HMGXB4: variants seen among roughly 807,000 people sequenced by gnomAD.
The protein encoded by HMGXB4 is HMG-box containing 4, also known as HMG domain-containing protein 4.
HMGXB4 carries 27 observed loss-of-function variants against 63.9 expected under a neutral mutation model. The observed-to-expected ratio is 0.42, with a 90% CI of 0.31 to 0.58. The LOEUF is 0.58. HMGXB4 is among the 20% of genes least tolerant of loss of function. The pLI is 0.13. For missense variants in HMGXB4, 624 were observed against 700.7 expected, an observed-to-expected ratio of 0.89 and a Z score of 1.24; for synonymous variants, 264 against 265.3, an observed-to-expected ratio of 0.99 and a Z score of 0.05.
chr22:35,264,565 A>G, intron 4 of HMGXB4, 83 bp from the exon 5 acceptor site: 1 of 901,048 alleles, frequency 1.1e-6, no homozygotes, highest in Non-Finnish European at 1.7e-6. Context: ...TTCTCATGTT[A>G]GCTAGGTGCT....
intron 5 of HMGXB4, among the ~76,000 whole-genome samples, chr22:35,282,330 C>A (rs1299244188): frequency 3.3e-5 from 5 of 152,162 alleles, no homozygotes; most frequent in African/African-American, 9.7e-5. Context: ...GCGCCCACCA[C>A]CATGCCCGGC....
chr22:35,290,230 C>T (rs1364013057), intron 9 of HMGXB4, among the ~76,000 whole-genome samples: 2 of 152,044 alleles, frequency 1.3e-5, no homozygotes, highest in Non-Finnish European at 2.9e-5. Flanking sequence ...CAGATATTTC[C>T]ATTTAGTTTA....
intron 9 of HMGXB4, among the ~76,000 whole-genome samples, chr22:35,291,717 C>G (rs563999685): frequency 1.0e-3 from 156 of 152,298 alleles, no homozygotes; most frequent in African/African-American, 3.5e-3. Flanking sequence ...TCATTTAATT[C>G]ACACTGCAGC....
chr22:35,290,257 C>T (rs1187275056), intron 9 of HMGXB4, among the ~76,000 whole-genome samples: 1 of 152,168 alleles, frequency 6.6e-6, no homozygotes, highest in Non-Finnish European at 1.5e-5. Context: ...ACAAAGTTCA[C>T]CCTTTTAAAG....
chr22:35,253,144 A>AAAAAGAAAG (rs1555886256), upstream of HMGXB4, among the ~76,000 whole-genome samples: 1 of 125,316 alleles, frequency 8.0e-6, no homozygotes. Context: ...AAAAAAAAAA[A>AAAAAGAAAG]AAAAAAGAAA....
At chr22:35,282,260 T>A (rs1457684042) in intron 5 of HMGXB4, among the ~76,000 whole-genome samples, 1 of 152,206 alleles carries the variant, frequency 6.6e-6, no homozygotes, top group South Asian at 2.1e-4. Flanking sequence ...TACTGCAAGC[T>A]CCACCTCCCG....
intron 7 of HMGXB4, chr22:35,287,105 A>C (rs1924633878): frequency 2.3e-6 from 1 of 431,050 alleles, no homozygotes; most frequent in South Asian, 2.8e-5. Flanking sequence ...GTGATCTAAA[A>C]ATCAGTGCCG....
chr22:35,264,511 A>T, intron 4 of HMGXB4, 137 bp from the exon 5 acceptor site: 1 of 655,894 alleles, frequency 1.5e-6, no homozygotes, highest in Non-Finnish European at 2.6e-6. Context: ...CAATGTTAGG[A>T]ATCAGTTAAA....
Position 35,293,860 on chromosome 22 carries a change from AG to A in HMGXB4, c.*210del, listed in dbSNP as rs1051888717. 6.3e-6 allele frequency: 2 copies of A among 319,530 alleles called. No individual in the cohort carries two copies. Among genetic ancestry groups the A allele is most frequent in the Non-Finnish European group, 1.1e-5 (2 of 179,252 alleles). The allele number at this position is 319,530 out of a possible 1,614,324, so 19.8% of individuals were successfully genotyped here. ...TAATTTTATGAAATGGCAAAGGTTT[AG>A]CCAAGAGGAAATTTTGGCATGAATA... is the stretch of plus-strand genomic sequence containing the variant. On this transcript the variant is annotated 3_prime_UTR_variant, in exon 11 of 11. Coordinates refer to ENST00000216106, the MANE Select transcript of HMGXB4 (RefSeq NM_001003681.3).
intron 5 of HMGXB4, among the ~76,000 whole-genome samples, chr22:35,269,214 C>T (rs1025349768): frequency 6.6e-6 from 1 of 152,110 alleles, no homozygotes; most frequent in Non-Finnish European, 1.5e-5. Flanking sequence ...CCCATTTCTA[C>T]TAAAAATACA....
At chr22:35,286,259 G>A (rs1924570570) in intron 7 of HMGXB4, among the ~76,000 whole-genome samples, 198 bp downstream of exon 7, 1 of 152,228 alleles carries the variant, frequency 6.6e-6, no homozygotes, top group African/African-American at 2.4e-5. Context: ...TAGCAAGGCT[G>A]TCTTTTCTAA....
At chr22:35,274,392 A>G (rs1923782433) in intron 5 of HMGXB4, among the ~76,000 whole-genome samples, 1 of 152,222 alleles carries the variant, frequency 6.6e-6, no homozygotes, top group South Asian at 2.1e-4. Flanking sequence ...AGGCAGGAAG[A>G]ATTGCTGCCA....
chr22:35,268,349 C>CT (rs1197621818), intron 5 of HMGXB4, among the ~76,000 whole-genome samples: 1 of 152,202 alleles, frequency 6.6e-6, no homozygotes, highest in East Asian at 1.9e-4. Context: ...AAATATTAAG[C>CT]TTGATAGTCT....
At chr22:35,248,401 C>CTTTT in the HMGXB4 span, among the ~76,000 whole-genome samples, 148 of 102,934 alleles carry the variant, frequency 1.4e-3, no homozygotes, top group East Asian at 3.4e-3. Flanking sequence ...GAGGTCGGGA[C>CTTTT]TTTTTTTTTT....
intron 8 of HMGXB4, 151 bp downstream of exon 8, chr22:35,287,603 T>G: frequency 1.6e-6 from 1 of 638,762 alleles, no homozygotes. Flanking sequence ...CAAAAAGAGA[T>G]GTTCAAATTT....
the HMGXB4 span, among the ~76,000 whole-genome samples, chr22:35,251,316 C>T: frequency 6.6e-6 from 1 of 152,054 alleles, no homozygotes; most frequent in East Asian, 1.9e-4. Context: ...ACCTCGTGAT[C>T]CACCTGCCTC....
At chr22:35,251,782 CA>C in the HMGXB4 span, among the ~76,000 whole-genome samples, 1 of 152,136 alleles carries the variant, frequency 6.6e-6, no homozygotes, top group Non-Finnish European at 1.5e-5. Context: ...GGGTCATATG[CA>C]AATACCCATG....
At chr22:35,282,451 C>A (rs62233271) in intron 5 of HMGXB4, among the ~76,000 whole-genome samples, 7 of 152,044 alleles carry the variant, frequency 4.6e-5, no homozygotes, top group East Asian at 1.9e-4. Flanking sequence ...GTGAGCTACC[C>A]CACCCGGCCA....
chr22:35,293,688 C>T lies in HMGXB4; in HGVS notation c.*37C>T. ...CCTGGGACAGAAACCTTATCCTACA[C>T]CATTGCTGGTTTGTGTATATATGAC... On this transcript the variant is annotated 3_prime_UTR_variant, in exon 11 of 11. Transcript: ENST00000216106. The T allele has an allele frequency of 6.5e-7, 1 of 1,534,456 alleles. No homozygotes were observed. The highest frequency in any genetic ancestry group is 9.0e-7 in the Non-Finnish European group (1 of 1,107,426).
Sources: allele counts gnomAD v4.1 joint callset (sites outside exome capture counted in the v4.1 genomes callset), GRCh38; gene constraint gnomAD v4.1.1; transcripts MANE v1.5; gene names NCBI Gene and HGNC (gene_info 2026-07-23, HGNC 2026-07-21).